Variants in UBR1 observed in about 807,000 individuals in gnomAD.
UBR1 encodes the protein E3 ubiquitin-protein ligase UBR1.
In UBR1, 102 loss-of-function variants were observed where a neutral mutation model predicts 242.1. The ratio of observed to expected loss-of-function variants is 0.42; its 90% CI spans 0.36 to 0.50. UBR1 has a LOEUF of 0.50. UBR1 is among the 20% of genes least tolerant of loss of function. UBR1 has a pLI of 0.01. For synonymous variants in UBR1, 675 were observed against 684.8 expected (o/e 0.99, Z 0.22); for missense variants, 1,772 against 2,101.8 (o/e 0.84, Z 3.07).
intron 8 of UBR1, 78 bp downstream of exon 8, chr15:43,059,624 T>A: frequency 3.0e-5 from 41 of 1,385,718 alleles, no homozygotes; most frequent in Non-Finnish European, 4.0e-5. Flanking sequence ...TATTTCATAC[T>A]CAATGACATT....
intron 29 of UBR1, among the ~76,000 whole-genome samples, chr15:43,009,825 T>C (rs1047471425): frequency 2.0e-5 from 3 of 152,180 alleles, no homozygotes; most frequent in Non-Finnish European, 4.4e-5. Flanking sequence ...TAAATATTAA[T>C]CATCATATAT....
intron 43 of UBR1, among the ~76,000 whole-genome samples, chr15:42,958,913 G>A (rs1253149225): frequency 1.3e-5 from 2 of 152,082 alleles, no homozygotes; most frequent in East Asian, 1.9e-4. Context: ...TCACTGCAAC[G>A]TCCGCGTCCT....
intron 43 of UBR1, among the ~76,000 whole-genome samples, chr15:42,960,396 G>C (rs1294350804): frequency 6.6e-6 from 1 of 152,120 alleles, no homozygotes; most frequent in East Asian, 1.9e-4. Flanking sequence ...ACAGGTATGT[G>C]CTAGCTTAAA....
In UBR1 at chr15:42,950,405, G is replaced by A. The variant is rs775455126; in HGVS notation, c.5007-42C>T. 4.5e-6 allele frequency: 7 copies of A among 1,559,354 alleles called. No individual in the cohort carries two copies. The South Asian group carries it at 7.8e-5, about 17-fold the overall frequency. On this transcript the variant is annotated intron_variant, in intron 45 of 46. Transcript: ENST00000290650. Reference sequence around the variant, plus strand: ...ATAGGAAATATGGTTAAGTGTATGTGTGCAAATGATAGGCACTGCATCAAT... The same window carrying A: ...ATAGGAAATATGGTTAAGTGTATGTATGCAAATGATAGGCACTGCATCAAT...
chr15:43,004,115 T>C (rs1452756367), intron 30 of UBR1, among the ~76,000 whole-genome samples, 185 bp from the exon 31 acceptor site: 1 of 152,220 alleles, frequency 6.6e-6, no homozygotes, highest in East Asian at 1.9e-4. Flanking sequence ...CTGTCAGATA[T>C]GATTCTAAAA....
intron 39 of UBR1, among the ~76,000 whole-genome samples, chr15:42,975,435 T>C (rs1455729541): frequency 1.0e-5 from 1 of 97,114 alleles, no homozygotes; most frequent in Non-Finnish European, 2.9e-5. Flanking sequence ...GACAGCTAAA[T>C]TGTTTCTGTT....
chr15:43,061,093 G>T (rs755995717), intron 6 of UBR1, among the ~76,000 whole-genome samples: 1 of 152,128 alleles, frequency 6.6e-6, no homozygotes, highest in African/African-American at 2.4e-5. Context: ...ACAAACAGGG[G>T]GAGGAAAACC....
rs541149190 is a variant in UBR1, at chr15:43,077,704, CATG to C, written c.418-2618_418-2616del. On this transcript the variant is annotated intron_variant, in intron 3 of 46. Coordinates refer to ENST00000290650, the MANE Select transcript of UBR1 (RefSeq NM_174916.3). The stretch of plus-strand genomic sequence containing the variant: ...AAAATAAAAATAAAATAAAAAAACT[CATG>C]ATGATTACATAGTACTTAAGAAATG... Among the ~76,000 whole-genome samples, 59 of 149,590 alleles carry C rather than the reference CATG, an allele frequency of 3.9e-4. 1 individual carries two copies. Among genetic ancestry groups the C allele is most frequent in the South Asian group, 8.6e-4 (4 of 4,668 alleles).
chr15:42,986,985 G>T (rs1238874940), intron 35 of UBR1, among the ~76,000 whole-genome samples: 1 of 152,238 alleles, frequency 6.6e-6, no homozygotes, highest in Non-Finnish European at 1.5e-5. Context: ...CCAGCCCACT[G>T]ACCCCCTGGG....
intron 3 of UBR1, among the ~76,000 whole-genome samples, chr15:43,078,874 G>T (rs1461807715): frequency 6.6e-6 from 1 of 151,310 alleles, no homozygotes; most frequent in African/African-American, 2.4e-5. Context: ...ACTAAAAACA[G>T]AAATGGACAA....
chr15:42,964,572 G>A (rs1476727903), intron 41 of UBR1, among the ~76,000 whole-genome samples: 5 of 152,156 alleles, frequency 3.3e-5, no homozygotes, highest in Admixed American at 6.5e-5. Flanking sequence ...TCTCCTGATC[G>A]GATGGCTCTA....
chr15:42,995,175 G>A (rs965724758), intron 33 of UBR1, among the ~76,000 whole-genome samples: 8 of 151,962 alleles, frequency 5.3e-5, no homozygotes, highest in Non-Finnish European at 1.0e-4. Context: ...ACATTTAGAG[G>A]CCAAAATAAC....
intron 29 of UBR1, among the ~76,000 whole-genome samples, chr15:43,010,107 C>CAA (rs1294447500): frequency 1.3e-5 from 2 of 152,148 alleles, no homozygotes; most frequent in Non-Finnish European, 1.5e-5. Flanking sequence ...CTCCTGACCT[C>CAA]GTGATCTGCC....
intron 10 of UBR1, among the ~76,000 whole-genome samples, chr15:43,057,667 C>A (rs147966532): frequency 5.3e-5 from 8 of 152,148 alleles, no homozygotes; most frequent in Non-Finnish European, 1.0e-4. Flanking sequence ...TCCTGCCCCC[C>A]ACTTTAGCAT....
intron 3 of UBR1, among the ~76,000 whole-genome samples, chr15:43,080,087 T>C (rs1359328110): frequency 1.3e-5 from 2 of 152,190 alleles, no homozygotes; most frequent in East Asian, 3.8e-4. Context: ...ATAAATATTT[T>C]AGGTTTTGCA....
intron 3 of UBR1, among the ~76,000 whole-genome samples, chr15:43,082,350 T>G (rs973836937): frequency 6.6e-6 from 1 of 152,122 alleles, no homozygotes; most frequent in Non-Finnish European, 1.5e-5. Context: ...GAGCTCAAAA[T>G]TTTGTTTGTT....
intron 35 of UBR1, among the ~76,000 whole-genome samples, chr15:42,987,292 G>A (rs1320018317): frequency 3.3e-5 from 5 of 152,244 alleles, no homozygotes; most frequent in Non-Finnish European, 7.3e-5. Context: ...AGCCCTCTGA[G>A]GGCACCGGTA....
Position 42,945,428 on chromosome 15 carries a change from C to A in UBR1, c.5151G>T (p.Lys1717Asn). ...PLHLSRERYR[K>N]LHLVWQQHCI... ...AGTGTTGTTGCCAGACCAAATGGAGCTTCCGATACCGCTCACGAGATAAAT... is the reference window on the plus strand; with the variant it reads ...AGTGTTGTTGCCAGACCAAATGGAGATTCCGATACCGCTCACGAGATAAAT... Residue 1717 changes from lysine (K) to asparagine (N), a missense_variant, in exon 47 of 47, where the codon AAG (lysine) becomes AAT (asparagine). This residue lies in a region of UBR1 where 965 missense variants were observed against 1,079.7 expected (regional missense o/e 0.89). Coordinates refer to ENST00000290650, the MANE Select transcript of UBR1 (RefSeq NM_174916.3). The A allele has an allele frequency of 6.2e-7, 1 of 1,614,110 alleles. No homozygotes were observed. Among genetic ancestry groups the A allele is most frequent in the Non-Finnish European group, 8.5e-7 (1 of 1,180,028 alleles).
At chr15:43,062,967 AAC>A (rs1475295619) in intron 6 of UBR1, among the ~76,000 whole-genome samples, 1 of 152,190 alleles carries the variant, frequency 6.6e-6, no homozygotes, top group African/African-American at 2.4e-5. Flanking sequence ...TATAGCTGAA[AAC>A]ACAGAACTAC....
Sources: allele counts gnomAD v4.1 joint callset (sites outside exome capture counted in the v4.1 genomes callset), GRCh38; gene constraint gnomAD v4.1.1; regional missense constraint gnomAD v4.1.1; transcripts MANE v1.5; gene names NCBI Gene and HGNC (gene_info 2026-07-23, HGNC 2026-07-21).